The following PRR5L variants were observed in gnomAD, a reference collection of about 807,000 sequenced individuals.
PRR5L encodes proline-rich protein 5-like.
In PRR5L, 21 loss-of-function variants were observed where a neutral mutation model predicts 36.4. That is an observed-to-expected ratio of 0.58 (90% CI 0.41 to 0.83). The LOEUF is 0.83. Ranked by LOEUF, PRR5L falls within the 40% of genes least tolerant of loss-of-function variation. PRR5L has a pLI of 0.00. For synonymous variants in PRR5L, 188 were observed against 197.0 expected (o/e 0.95, Z 0.38); for missense variants, 381 against 473.3 (o/e 0.80, Z 1.81).
chr11:36,337,635 C>T (rs1856781514), intron 1 of PRR5L, among the ~76,000 whole-genome samples: 1 of 152,346 alleles, frequency 6.6e-6, no homozygotes, highest in Non-Finnish European at 1.5e-5. Flanking sequence ...ACTCAACTTC[C>T]TCTCTGAGCT....
chr11:36,420,004 A>C (rs1474328511), intron 4 of PRR5L, among the ~76,000 whole-genome samples: 8 of 152,192 alleles, frequency 5.3e-5, no homozygotes, highest in Admixed American at 5.2e-4. Flanking sequence ...TGTTGGTATA[A>C]AGCTAGTGAG....
chr11:36,388,001 T>C (rs1244612894), intron 1 of PRR5L: 1 of 152,202 alleles, frequency 6.6e-6, no homozygotes, highest in African/African-American at 2.4e-5. Flanking sequence ...CCAGATCGGA[T>C]TGAGTAATGG....
At chr11:36,353,462 A>G (rs1856995476) in intron 1 of PRR5L, among the ~76,000 whole-genome samples, 1 of 152,184 alleles carries the variant, frequency 6.6e-6, no homozygotes, top group Non-Finnish European at 1.5e-5. Flanking sequence ...ATTCAACAAA[A>G]ATATATTGTG....
chr11:36,344,415 C>A lies in PRR5L; in HGVS notation c.-126+47977C>A, dbSNP rs1319305710. Among the ~76,000 whole-genome samples, 1 of 152,076 alleles carries A rather than the reference C, an allele frequency of 6.6e-6. No individual in the cohort carries two copies. The highest frequency in any genetic ancestry group is 1.5e-5 in the Non-Finnish European group (1 of 68,020). ...CTTCCTTAACATGTTATAAATATTT[C>A]TTGATATTATTAAAAGTTATTGACA... On this transcript the variant is annotated intron_variant, in intron 1 of 8. Transcript: ENST00000530639. This position sits in a 1 kb window ranked among gnomAD's most constrained non-coding sequence, Gnocchi z 4.1.
At chr11:36,351,236 A>T (rs1856939917) in intron 1 of PRR5L, among the ~76,000 whole-genome samples, 1 of 84,514 alleles carries the variant, frequency 1.2e-5, no homozygotes, top group African/African-American at 4.9e-5. Context: ...ATTTATATAT[A>T]TTTATATATA....
chr11:36,297,425 T>C, intron 1 of PRR5L: 1 of 152,214 alleles, frequency 6.6e-6, no homozygotes, highest in East Asian at 1.9e-4. Context: ...TGAAGGAATT[T>C]GAAAGGGTAA....
chr11:36,351,547 A>T (rs1326638082), intron 1 of PRR5L, among the ~76,000 whole-genome samples: 1,165 of 7,396 alleles, frequency 0.16, 406 homozygotes, highest in African/African-American at 0.49. Flanking sequence ...ATATATATTT[A>T]TATATATTTA....
chr11:36,309,491 G>A (rs1856472173), intron 1 of PRR5L, among the ~76,000 whole-genome samples: 1 of 152,044 alleles, frequency 6.6e-6, no homozygotes, highest in South Asian at 2.1e-4. Flanking sequence ...CATATCTATG[G>A]TTTTCAAACT....
intron 1 of PRR5L, among the ~76,000 whole-genome samples, chr11:36,367,369 T>TA (rs1857154845): frequency 6.6e-6 from 1 of 152,192 alleles, no homozygotes; most frequent in Non-Finnish European, 1.5e-5. Context: ...TCTTTGTTAC[T>TA]AAAAAATGTA....
intron 1 of PRR5L, among the ~76,000 whole-genome samples, chr11:36,399,249 G>T (rs758412085): frequency 1.2e-4 from 19 of 152,196 alleles, no homozygotes. Context: ...TGAGCAGGGG[G>T]TGAAGGGGCA....
chr11:36,453,887 C>G (rs182570319), intron 8 of PRR5L: 3 of 152,434 alleles, frequency 2.0e-5, no homozygotes, highest in Admixed American at 1.3e-4. Flanking sequence ...ATCCCCAGGC[C>G]AAGGGGAGGA....
rs899181523 is a variant in PRR5L, at chr11:36,299,678, G to A, written c.-126+3240G>A. Among the ~76,000 whole-genome samples, 8 of 152,300 alleles carry A rather than the reference G, an allele frequency of 5.3e-5. No homozygotes were observed. The East Asian group carries it at 1.5e-3, about 29-fold the overall frequency. ...TCTGCATATGGAAGAGGAATCTGGA[G>A]CTCAGAAAGGTTAACGAATTCACCC... On this transcript the variant is annotated intron_variant, in intron 1 of 8. Coordinates refer to ENST00000530639, the MANE Select transcript of PRR5L (RefSeq NM_001160167.2).
At chr11:36,423,127 C>T (rs887171035) in intron 4 of PRR5L, among the ~76,000 whole-genome samples, 1 of 152,094 alleles carries the variant, frequency 6.6e-6, no homozygotes, top group Admixed American at 6.6e-5. Flanking sequence ...GATATAGAAA[C>T]TCAGGCTAGA....
chr11:36,312,490 T>C (rs930853792), intron 1 of PRR5L, among the ~76,000 whole-genome samples: 1 of 152,246 alleles, frequency 6.6e-6, no homozygotes, highest in Non-Finnish European at 1.5e-5. Context: ...TGCTAAGGGC[T>C]GAGCCAGCCA....
In PRR5L at chr11:36,302,315, G is replaced by T. The variant is rs1021972288; in HGVS notation, c.-126+5877G>T. On this transcript the variant is annotated intron_variant, in intron 1 of 8. Transcript: ENST00000530639. ...GTACTAGGCAGAGAGGGAACAGCCT[G>T]TGTGTAGGCCTGCTGGCCTGTCTTG... is the stretch of plus-strand genomic sequence containing the variant. Among the ~76,000 whole-genome samples the T allele has an allele frequency of 7.9e-5, 12 of 152,332 alleles. No homozygotes were observed. In the South Asian group the frequency reaches 2.3e-3, roughly 29 times the overall value.
At chr11:36,395,817 G>A (rs1857647320) in intron 1 of PRR5L, among the ~76,000 whole-genome samples, 1 of 152,072 alleles carries the variant, frequency 6.6e-6, no homozygotes. Context: ...GAACTCCTGG[G>A]CCCAAGCGAT....
chr11:36,427,723 T>C (rs1212689951), intron 4 of PRR5L, among the ~76,000 whole-genome samples: 2 of 152,180 alleles, frequency 1.3e-5, no homozygotes, highest in Non-Finnish European at 2.9e-5. Flanking sequence ...GCTTCATAAT[T>C]TGCAGAGCCC....
At chr11:36,301,801 A>T (rs1394775805) in intron 1 of PRR5L, among the ~76,000 whole-genome samples, 1 of 152,176 alleles carries the variant, frequency 6.6e-6, no homozygotes, top group African/African-American at 2.4e-5. Flanking sequence ...TTGAATGTAG[A>T]CCAAGCATTC....
intron 7 of PRR5L, among the ~76,000 whole-genome samples, chr11:36,449,379 C>T (rs942258876): frequency 2.6e-5 from 4 of 152,212 alleles, no homozygotes; most frequent in Admixed American, 6.5e-5. Context: ...GAAAAGAGCT[C>T]TTTCTTAGGC....
Sources: allele counts gnomAD v4.1 joint callset (sites outside exome capture counted in the v4.1 genomes callset), GRCh38; gene constraint gnomAD v4.1.1; non-coding constraint Gnocchi (gnomAD v3.1); transcripts MANE v1.5; gene names NCBI Gene and HGNC (gene_info 2026-07-23, HGNC 2026-07-21).